The following COL22A1 variants were observed in gnomAD, a reference collection of about 807,000 sequenced individuals.
The protein encoded by COL22A1 is collagen type XXII alpha 1 chain.
A neutral mutation model predicts 248.9 loss-of-function variants in COL22A1; 221 were observed. That is an observed-to-expected ratio of 0.89 (90% CI 0.80 to 0.99). The LOEUF (loss-of-function observed/expected upper bound fraction) is 0.99. Among genes scored for constraint, COL22A1 ranks in the 50% least tolerant of loss-of-function variants. The probability of loss-of-function intolerance (pLI) is 0.00; values close to 1 mark genes in which losing one functional copy is unlikely to be tolerated. For missense variants in COL22A1, 2,240 were observed against 2,179.0 expected (o/e 1.03, Z -0.56); for synonymous variants, 891 against 793.4 (o/e 1.12, Z -2.07).
rs376350390 is a variant in COL22A1, at chr8:138,854,684, C to T, written c.659-10526G>A. Among the ~76,000 whole-genome samples the T allele has an allele frequency of 3.2e-4, 48 of 152,288 alleles. No individual in the cohort carries two copies. In the East Asian group the frequency reaches 4.6e-3, roughly 15 times the overall value. ...TCTCACACTTGCCTATTTCTATTCCCGTTACAATAAGAGGCCTTCTGCCCC... is the reference window on the plus strand; with the variant it reads ...TCTCACACTTGCCTATTTCTATTCCTGTTACAATAAGAGGCCTTCTGCCCC... On this transcript the variant is annotated intron_variant, in intron 3 of 64. Coordinates refer to ENST00000303045, the MANE Select transcript of COL22A1 (RefSeq NM_152888.3).
At chr8:138,893,692 T>A (rs947230437) in intron 1 of COL22A1, among the ~76,000 whole-genome samples, 5 of 152,190 alleles carry the variant, frequency 3.3e-5, no homozygotes, top group Admixed American at 3.3e-4. Context: ...GAGAACTGGG[T>A]TGATGTTGAC....
intron 1 of COL22A1, among the ~76,000 whole-genome samples, chr8:138,899,614 C>T (rs1814394433): frequency 6.6e-6 from 1 of 152,112 alleles, no homozygotes; most frequent in Non-Finnish European, 1.5e-5. Flanking sequence ...GCCTCCACCC[C>T]TTGGGTTCAA....
At chr8:138,640,315 G>C (rs942839685) in intron 47 of COL22A1, among the ~76,000 whole-genome samples, 2 of 152,136 alleles carry the variant, frequency 1.3e-5, no homozygotes. Context: ...ATTGCTCTAA[G>C]AGTGCTGTCC....
intron 22 of COL22A1, among the ~76,000 whole-genome samples, chr8:138,748,603 TACCCCTGCCCATC>T (rs1422192208): frequency 6.6e-6 from 1 of 152,168 alleles, no homozygotes; most frequent in Non-Finnish European, 1.5e-5. Context: ...CACCATATCC[TACCCCTGCCCATC>T]ATCACTGCAC....
intron 26 of COL22A1, among the ~76,000 whole-genome samples, 194 bp from the exon 27 acceptor site, chr8:138,720,986 T>C (rs1052548499): frequency 3.3e-5 from 5 of 152,180 alleles, no homozygotes; most frequent in African/African-American, 9.7e-5. Context: ...CCATATTCAA[T>C]AGCTGTAATT....
chr8:138,889,731 C>T (rs758951799), intron 1 of COL22A1, among the ~76,000 whole-genome samples: 2 of 152,144 alleles, frequency 1.3e-5, no homozygotes, highest in African/African-American at 2.4e-5. Flanking sequence ...ACTACTGAGC[C>T]GCCTTTGTCT....
chr8:138,814,152 A>C (rs2131713288), intron 7 of COL22A1, among the ~76,000 whole-genome samples: 1 of 152,128 alleles, frequency 6.6e-6, no homozygotes, highest in Non-Finnish European at 1.5e-5. Flanking sequence ...CCCTCTCTTC[A>C]CCTGCACTTG....
At chr8:138,693,021 C>T (rs1318458346) in intron 35 of COL22A1, among the ~76,000 whole-genome samples, 10 of 152,152 alleles carry the variant, frequency 6.6e-5, no homozygotes, top group African/African-American at 2.4e-4. Context: ...CCCCAGAGAC[C>T]CGGGGATAAG....
intron 5 of COL22A1, among the ~76,000 whole-genome samples, chr8:138,830,295 T>A (rs1225157334): frequency 6.6e-6 from 1 of 152,180 alleles, no homozygotes; most frequent in Non-Finnish European, 1.5e-5. Context: ...TTTCTGTTAT[T>A]GTCATGAGAA....
chr8:138,606,408 A>C lies in COL22A1; in HGVS notation c.4077T>G (p.Pro1359=). The change falls in exon 58 of 65, where the codon CCT becomes CCG. Residue 1359 remains proline, a synonymous_variant. Transcript: ENST00000303045. ...SKGENGSPGL[P]GFLGPRGPPG... ...GAGGCCCACGGGGACCCAGGAAGCC[A>C]GGAAGTCCTGGGCTGCCATTTTCCC... 1 of 1,613,530 alleles carries C rather than the reference A, an allele frequency of 6.2e-7. No homozygotes were observed. The highest frequency in any genetic ancestry group is 8.5e-7 in the Non-Finnish European group (1 of 1,179,860).
At chr8:138,860,411 A>C (rs1277967973) in intron 3 of COL22A1, among the ~76,000 whole-genome samples, 4 of 152,162 alleles carry the variant, frequency 2.6e-5, no homozygotes, top group African/African-American at 9.7e-5. Context: ...GCACCTCCTC[A>C]AATTGTGCAT....
intron 6 of COL22A1, chr8:138,826,040 G>C (rs906719938): frequency 3.9e-5 from 6 of 152,394 alleles, no homozygotes; most frequent in African/African-American, 1.4e-4. Flanking sequence ...AGTAAAGACA[G>C]GACCCAGAGC....
rs188736606 is a variant in COL22A1 at position 138,597,020 on chromosome 8, A to C, written c.4366-50T>G. The C allele has an allele frequency of 7.2e-3, 10,889 of 1,520,668 alleles. 64 individuals are homozygous for C. Among genetic ancestry groups the C allele is most frequent in the South Asian group, 0.02 (1,812 of 88,604 alleles). 94.2% of individuals were successfully genotyped at this position (1,520,668 alleles called of 1,614,324 possible). A position where few individuals can be genotyped will look rare whatever the true frequency, so the allele number is the denominator to read the frequency against. The stretch of plus-strand genomic sequence containing the variant: ...ATTCATCTTCCCAGTAACTTCTGCC[A>C]CCTAAGAACCCTGAGGACTTGGGAA... On this transcript the variant is annotated intron_variant, in intron 61 of 64. Transcript: ENST00000303045.
intron 35 of COL22A1, among the ~76,000 whole-genome samples, chr8:138,692,985 C>T (rs73435037): frequency 0.019 from 2,933 of 152,250 alleles, 76 homozygotes; most frequent in African/African-American, 0.064. Flanking sequence ...ACGTGTGCTG[C>T]TGCTGCTCCT....
chr8:138,620,925 CCATTCAACCAACCAAG>C (rs1819730856), intron 52 of COL22A1, among the ~76,000 whole-genome samples: 1 of 151,910 alleles, frequency 6.6e-6, no homozygotes, highest in Non-Finnish European at 1.5e-5. Context: ...ATCCATCCAT[CCATTCAACCAACCAAG>C]CATCCATCCA....
At chr8:138,636,026 C>T (rs1248311617) in intron 48 of COL22A1, among the ~76,000 whole-genome samples, 2 of 152,068 alleles carry the variant, frequency 1.3e-5, no homozygotes, top group Non-Finnish European at 2.9e-5. Context: ...TGAGCACTGG[C>T]TGTGAGATGC....
At chr8:138,629,079 G>A (rs138039417) in intron 50 of COL22A1, among the ~76,000 whole-genome samples, 1 of 151,980 alleles carries the variant, frequency 6.6e-6, no homozygotes, top group African/African-American at 2.4e-5. Flanking sequence ...CCAAAGTGCT[G>A]TGATTACAGG....
intron 8 of COL22A1, 49 bp downstream of exon 8, chr8:138,812,890 G>T (rs766588628): frequency 1.4e-6 from 2 of 1,387,644 alleles, no homozygotes; most frequent in African/African-American, 1.4e-5. Flanking sequence ...TCCCTCTGGA[G>T]GCCACACACC....
chr8:138,833,092 TC>T lies in COL22A1; in HGVS notation c.791del (p.Gly264GlufsTer80). 1 of 1,614,042 alleles carries T rather than the reference TC, an allele frequency of 6.2e-7. No individual in the cohort carries two copies. Among genetic ancestry groups the T allele is most frequent in the Non-Finnish European group, 8.5e-7 (1 of 1,179,890 alleles). On this transcript the variant is annotated frameshift_variant, in exon 5 of 65. Transcript: ENST00000303045. LOFTEE classifies it high-confidence loss of function. ...VKEILGKREN[G>X]AQSSYVRMGS... ...CCATCCGTACATAGGAACTCTGAGC[TC>T]CATTCTCTCTCTTCCCCAAGATTTC...
Sources: allele counts gnomAD v4.1 joint callset (sites outside exome capture counted in the v4.1 genomes callset), GRCh38; gene constraint gnomAD v4.1.1; transcripts MANE v1.5; gene names NCBI Gene and HGNC (gene_info 2026-07-23, HGNC 2026-07-21).